The following ACYP2 variants were observed in gnomAD, a reference collection of about 807,000 sequenced individuals.
The protein encoded by ACYP2 is acylphosphatase-2.
Under a neutral mutation model 11.2 loss-of-function variants are expected in ACYP2, and 12 were observed. The observed-to-expected ratio is 1.08, with a 90% CI of 0.69 to 1.74. The LOEUF is 1.74. Ranked by LOEUF, ACYP2 falls within the 40% of genes most tolerant of loss-of-function variation. The probability of loss-of-function intolerance (pLI) is 0.00; values close to 1 mark genes in which losing one functional copy is unlikely to be tolerated. For synonymous variants in ACYP2, 43 were observed against 32.2 expected (o/e 1.33, Z -1.13); for missense variants, 134 against 101.9 (o/e 1.31, Z -1.35).
At chr2:54,199,522 G>A (rs1467018433) in intron 6 of ACYP2, among the ~76,000 whole-genome samples, 1 of 152,216 alleles carries the variant, frequency 6.6e-6, no homozygotes, top group East Asian at 1.9e-4. Flanking sequence ...ACAGGATAGA[G>A]ACTTGGCTGG....
At chr2:54,131,547 A>G (rs141968488) in intron 4 of ACYP2, among the ~76,000 whole-genome samples, 162 of 152,284 alleles carry the variant, frequency 1.1e-3, no homozygotes, top group Middle Eastern at 6.8e-3. Flanking sequence ...TTTAGGGTGC[A>G]GGAGGGGAGA....
At chr2:54,297,315 G>A (rs1689559816) in intron 6 of ACYP2, among the ~76,000 whole-genome samples, 1 of 148,158 alleles carries the variant, frequency 6.7e-6, no homozygotes, top group Non-Finnish European at 1.5e-5. Flanking sequence ...GCAACATACT[G>A]AGACTCCATC....
chr2:54,142,664 A>G (rs1681670906), intron 6 of ACYP2: 1 of 152,176 alleles, frequency 6.6e-6, no homozygotes, highest in African/African-American at 2.4e-5. Flanking sequence ...CAGAGGTTGC[A>G]ATGAGATGAG....
chr2:54,282,243 A>C (rs1300026943), intron 6 of ACYP2, among the ~76,000 whole-genome samples: 2 of 152,218 alleles, frequency 1.3e-5, no homozygotes, highest in Non-Finnish European at 2.9e-5. Flanking sequence ...TGTATCTGTT[A>C]GGGTTAGAGA....
chr2:54,085,218 G>T (rs1187851339), intron 4 of ACYP2, among the ~76,000 whole-genome samples: 2 of 152,208 alleles, frequency 1.3e-5, no homozygotes, highest in African/African-American at 4.8e-5. Flanking sequence ...AGGTGATCCA[G>T]TTTCCTCCCA....
intron 6 of ACYP2, among the ~76,000 whole-genome samples, chr2:54,214,232 C>T (rs1013085709): frequency 6.6e-6 from 1 of 152,140 alleles, no homozygotes; most frequent in African/African-American, 2.4e-5. Context: ...TGTGCAGAAG[C>T]TCCTTAATTT....
At chr2:54,161,437 G>C (rs1427443580) in intron 6 of ACYP2, among the ~76,000 whole-genome samples, 1 of 152,154 alleles carries the variant, frequency 6.6e-6, no homozygotes, top group Non-Finnish European at 1.5e-5. Flanking sequence ...ATTCAAAGAG[G>C]AGTTACTCAA....
chr2:54,163,208 A>G (rs375012387), intron 6 of ACYP2, among the ~76,000 whole-genome samples: 5 of 152,236 alleles, frequency 3.3e-5, no homozygotes, highest in Admixed American at 6.5e-5. Flanking sequence ...TAGTAAGGCC[A>G]TAACCATGCC....
chr2:54,144,673 CAAAAAA>C (rs60045228), intron 6 of ACYP2, among the ~76,000 whole-genome samples: 4 of 113,242 alleles, frequency 3.5e-5, no homozygotes, highest in Non-Finnish European at 7.4e-5. Flanking sequence ...GACTCTGTCT[CAAAAAA>C]AAAAAAAAAA....
chr2:54,020,339 A>G (rs1673937855), intron 2 of ACYP2, among the ~76,000 whole-genome samples: 1 of 152,254 alleles, frequency 6.6e-6, no homozygotes, highest in South Asian at 2.1e-4. Flanking sequence ...GTATCAGTAC[A>G]ATACTTTCTT....
chr2:54,173,621 A>G (rs1446588908), intron 6 of ACYP2, among the ~76,000 whole-genome samples: 2 of 152,148 alleles, frequency 1.3e-5, no homozygotes, highest in Non-Finnish European at 2.9e-5. Flanking sequence ...GCCCATGCCT[A>G]TGTCCTGAAT....
Position 54,057,324 on chromosome 2 carries a change from T to C in ACYP2, c.241T>C (p.Ser81Pro), listed in dbSNP as rs957786440. Residue 81 changes from serine (S) to proline (P), a missense_variant, in exon 4 of 7, where the codon TCA becomes CCA. Ser to Pro is a moderately conservative substitution (Grantham distance 74, BLOSUM62 -1). Coordinates refer to ENST00000607452, the MANE Select transcript of ACYP2 (RefSeq NM_001320586.2). ...ACCATGGAAGGAGAACATTTCTTGC[T>C]CATCAACTACTTTCATAAAATCAAC... 2 of 397,948 alleles carry C rather than the reference T, an allele frequency of 5.0e-6. No individual in the cohort carries two copies. Among genetic ancestry groups the C allele is most frequent in the African/African-American group, 4.1e-5 (2 of 48,626 alleles). 24.7% of individuals were successfully genotyped at this position (397,948 alleles called of 1,614,324 possible).
chr2:54,146,914 C>A (rs1419709497), intron 6 of ACYP2, among the ~76,000 whole-genome samples: 2 of 151,936 alleles, frequency 1.3e-5, no homozygotes, highest in Non-Finnish European at 2.9e-5. Flanking sequence ...CCTGCCTCAG[C>A]CTCCTGAGTA....
chr2:54,234,494 T>C (rs1686386699), intron 6 of ACYP2, among the ~76,000 whole-genome samples: 1 of 152,234 alleles, frequency 6.6e-6, no homozygotes, highest in South Asian at 2.1e-4. Flanking sequence ...CAACATCCAT[T>C]GAATGCTCTG....
intron 3 of ACYP2, among the ~76,000 whole-genome samples, chr2:54,054,092 C>T (rs1404272613): frequency 3.9e-5 from 6 of 152,136 alleles, no homozygotes; most frequent in African/African-American, 1.2e-4. Flanking sequence ...AGTACAGTTT[C>T]GAGATAGGGA....
chr2:54,073,306 C>T (rs1430683286), intron 4 of ACYP2, among the ~76,000 whole-genome samples: 5 of 151,632 alleles, frequency 3.3e-5, no homozygotes, highest in African/African-American at 1.2e-4. Context: ...GTGGGAAGAT[C>T]TCTTGAGCCC....
chr2:54,150,514 T>G (rs1025624892), intron 6 of ACYP2, among the ~76,000 whole-genome samples: 4 of 152,058 alleles, frequency 2.6e-5, no homozygotes, highest in African/African-American at 9.7e-5. Context: ...CTCTGCCTCC[T>G]GGGTTCAAGC....
At chr2:54,151,619 G>T (rs1372156568) in intron 6 of ACYP2, among the ~76,000 whole-genome samples, 1 of 152,120 alleles carries the variant, frequency 6.6e-6, no homozygotes, top group Non-Finnish European at 1.5e-5. Context: ...TACTCTAATG[G>T]AAAACTAGGA....
intron 2 of ACYP2, among the ~76,000 whole-genome samples, chr2:54,010,981 T>G (rs907010701): frequency 6.6e-6 from 1 of 152,050 alleles, no homozygotes; most frequent in Non-Finnish European, 1.5e-5. Context: ...TCCCTCCACT[T>G]TGGACTGCAC....
Sources: gnomAD v4.1 joint callset for allele counts (sites outside exome capture counted in the v4.1 genomes callset) on GRCh38, gnomAD v4.1.1 for gene constraint, MANE v1.5 for transcripts, NCBI Gene and HGNC (gene_info 2026-07-23, HGNC 2026-07-21) for gene names.